Variants in NUP93 observed in about 807,000 individuals in gnomAD.
NUP93 encodes the protein nucleoporin 93.
NUP93 carries 55 observed loss-of-function variants against 107.8 expected under a neutral mutation model. That is an observed-to-expected ratio of 0.51 (90% CI 0.41 to 0.64). NUP93 has a LOEUF of 0.64. Ranked by LOEUF, NUP93 falls within the 30% of genes least tolerant of loss-of-function variation. The pLI is 0.00. For missense variants in NUP93, 937 were observed against 1,044.7 expected (o/e 0.90, Z 1.42); for synonymous variants, 390 against 397.5 (o/e 0.98, Z 0.22).
Position 56,844,645 on chromosome 16 carries a change from G to T in NUP93, c.*36G>T. The stretch of plus-strand genomic sequence containing the variant: ...TTGTGGGAGTCTGGGTCGGCACACT[G>T]TCAGTACATCAGGCACATGGGCCCA... On this transcript the variant is annotated 3_prime_UTR_variant, in exon 22 of 22. Transcript: ENST00000308159. 1 of 1,423,446 alleles carries T rather than the reference G, an allele frequency of 7.0e-7. No individual in the cohort carries two copies. 88.2% of individuals were successfully genotyped at this position (1,423,446 alleles called of 1,614,324 possible).
At chr16:56,814,923 A>G (rs534341574) in intron 5 of NUP93, among the ~76,000 whole-genome samples, 2 of 152,312 alleles carry the variant, frequency 1.3e-5, no homozygotes, top group Non-Finnish European at 2.9e-5. Context: ...AATTCCAGCT[A>G]AATATTTGCC....
intron 5 of NUP93, 113 bp downstream of exon 5, chr16:56,805,745 A>C: frequency 8.6e-7 from 1 of 1,160,896 alleles, no homozygotes; most frequent in Non-Finnish European, 1.2e-6. Context: ...CCCTTGAAAC[A>C]CTTTCTTCAC....
chr16:56,754,841 C>T (rs1260897351), intron 2 of NUP93, among the ~76,000 whole-genome samples: 4 of 152,324 alleles, frequency 2.6e-5, no homozygotes, highest in South Asian at 2.1e-4. Context: ...CCCCTGTAGC[C>T]GACTTCTGCC....
chr16:56,731,491 TCTGCCTCCCAG>T (rs1296794905), intron 1 of NUP93, among the ~76,000 whole-genome samples: 3 of 151,154 alleles, frequency 2.0e-5, no homozygotes, highest in African/African-American at 7.3e-5. Flanking sequence ...GACTGCAACC[TCTGCCTCCCAG>T]GCTCAAGTGA....
At chr16:56,759,708 G>GC (rs1441421148) in intron 3 of NUP93, among the ~76,000 whole-genome samples, 1 of 150,280 alleles carries the variant, frequency 6.7e-6, no homozygotes, top group African/African-American at 2.5e-5. Context: ...TTAAGTTTTA[G>GC]CCCCCCTCCC....
intron 2 of NUP93, among the ~76,000 whole-genome samples, chr16:56,755,488 C>A (rs1486373259): frequency 1.3e-5 from 2 of 150,890 alleles, no homozygotes; most frequent in African/African-American, 4.9e-5. Flanking sequence ...TGGGGAATCA[C>A]CACCTATTGG....
chr16:56,795,531 G>A (rs1400950041), intron 3 of NUP93, among the ~76,000 whole-genome samples: 3 of 152,166 alleles, frequency 2.0e-5, no homozygotes, highest in African/African-American at 7.2e-5. Context: ...TTAGGCAAAT[G>A]ACCATGCCAT....
At chr16:56,780,583 A>C (rs58161310) in intron 3 of NUP93, among the ~76,000 whole-genome samples, 5,404 of 152,266 alleles carry the variant, frequency 0.035, 130 homozygotes, top group East Asian at 0.076. Context: ...AAATAAGTTA[A>C]TTATATTTAT....
At position 56,844,856 on chromosome 16, in the gene NUP93, C is replaced by A; in HGVS notation, c.*247C>A. 2.5e-6 allele frequency: 1 copy of A among 402,260 alleles called. No individual in the cohort carries two copies. The highest frequency in any genetic ancestry group is 3.6e-5 in the East Asian group (1 of 28,060). 24.9% of individuals were successfully genotyped at this position (402,260 alleles called of 1,614,324 possible). A position where few individuals can be genotyped will look rare whatever the true frequency, so the allele number is the denominator to read the frequency against. Reference sequence around the variant, plus strand: ...GTGTAATGGGAAATACCGTCACTAGCTCTTGGGCCAGGGAATGAGAGGCTA... The same window carrying A: ...GTGTAATGGGAAATACCGTCACTAGATCTTGGGCCAGGGAATGAGAGGCTA... On this transcript the variant is annotated 3_prime_UTR_variant, in exon 22 of 22. Coordinates refer to ENST00000308159, the MANE Select transcript of NUP93 (RefSeq NM_014669.5).
intron 5 of NUP93, among the ~76,000 whole-genome samples, chr16:56,808,538 A>C (rs184635800): frequency 8.3e-6 from 1 of 119,890 alleles, no homozygotes; most frequent in East Asian, 2.8e-4. Context: ...ATATAGTTAT[A>C]TAACTATAAA....
intron 3 of NUP93, among the ~76,000 whole-genome samples, chr16:56,766,276 C>T (rs1243907729): frequency 5.9e-5 from 9 of 152,142 alleles, no homozygotes; most frequent in African/African-American, 1.4e-4. Flanking sequence ...GAACAAGCCC[C>T]GTGGCTGAAA....
chr16:56,768,415 T>G (rs1030311478), intron 3 of NUP93, among the ~76,000 whole-genome samples: 9 of 151,914 alleles, frequency 5.9e-5, no homozygotes, highest in African/African-American at 2.2e-4. Flanking sequence ...AATACAAAAT[T>G]AGCTGGGCGT....
chr16:56,839,138 G>T, intron 19 of NUP93, 69 bp downstream of exon 19: 2 of 1,035,444 alleles, frequency 1.9e-6, no homozygotes, highest in Non-Finnish European at 2.9e-6. Flanking sequence ...ACACTTCATG[G>T]AATTTACTTA....
In NUP93 at chr16:56,761,968, A is replaced by T. The variant is rs1962135548; in HGVS notation, c.297+3313A>T. On this transcript the variant is annotated intron_variant, in intron 3 of 21. Coordinates refer to ENST00000308159, the MANE Select transcript of NUP93 (RefSeq NM_014669.5). The stretch of plus-strand genomic sequence containing the variant: ...CGCCACTTAAATATATGTAGGGATG[A>T]TACTAGTAGAATTTTTTTAATGTTT... 2.0e-5 allele frequency among the ~76,000 whole-genome samples: 3 copies of T among 152,324 alleles called. No individual in the cohort carries two copies. In the South Asian group the frequency reaches 6.2e-4, roughly 32 times the overall value.
intron 3 of NUP93, among the ~76,000 whole-genome samples, chr16:56,762,311 C>A (rs1962141298): frequency 6.6e-6 from 1 of 152,140 alleles, no homozygotes; most frequent in African/African-American, 2.4e-5. Context: ...CACTAGATTG[C>A]ATGTATATTT....
chr16:56,788,447 A>G (rs2144533654), intron 3 of NUP93, among the ~76,000 whole-genome samples: 1 of 152,302 alleles, frequency 6.6e-6, no homozygotes, highest in South Asian at 2.1e-4. Flanking sequence ...TTTGGAGAAG[A>G]GGGAGGTTCT....
chr16:56,767,320 C>T (rs527711813), intron 3 of NUP93, among the ~76,000 whole-genome samples: 6 of 152,296 alleles, frequency 3.9e-5, no homozygotes, highest in Admixed American at 3.9e-4. Flanking sequence ...CAGGGCTGGG[C>T]GTGACACAGC....
chr16:56,849,865 C>T lies in NUP93; in HGVS notation c.*5256C>T, dbSNP rs1964156571. ...GTGCTTTTGTGGGCATCGGAAATGA[C>T]TGAGATACGCAGTTTTGAAGAGCTA... On this transcript the variant is annotated 3_prime_UTR_variant, in exon 22 of 22. Coordinates refer to ENST00000308159, the MANE Select transcript of NUP93 (RefSeq NM_014669.5). The T allele has an allele frequency of 6.6e-6, 1 of 152,132 alleles. No homozygotes were observed. The highest frequency in any genetic ancestry group is 2.1e-4 in the South Asian group (1 of 4,830). The allele number at this position is 152,132 out of a possible 1,614,324, so 9.4% of individuals were successfully genotyped here.
Position 56,829,035 on chromosome 16 carries a change from G to A in NUP93, c.853G>A (p.Gly285Arg). The A allele has an allele frequency of 1.9e-6, 3 of 1,613,696 alleles. No homozygotes were observed. The highest frequency in any genetic ancestry group is 2.5e-6 in the Non-Finnish European group (3 of 1,179,892). Residue 285 changes from glycine (G) to arginine (R), a missense_variant, in exon 9 of 22, where the codon GGG becomes AGG. Gly to Arg is a moderately radical substitution (Grantham distance 125, BLOSUM62 -2). Coordinates refer to ENST00000308159, the MANE Select transcript of NUP93 (RefSeq NM_014669.5). The stretch of plus-strand genomic sequence containing the variant: ...AAATTTGCATCAGGCCCAGCTGGGC[G>A]GGGTGCCTGGGACTTACCAATTGGT... ...FGNLHQAQLG[G>R]VPGTYQLVRS... is the part of the protein sequence containing the mutation.
Sources: allele counts gnomAD v4.1 joint callset (sites outside exome capture counted in the v4.1 genomes callset), GRCh38; gene constraint gnomAD v4.1.1; transcripts MANE v1.5; gene names NCBI Gene and HGNC (gene_info 2026-07-23, HGNC 2026-07-21).